SPOCK1: variants seen among roughly 807,000 people sequenced by gnomAD.
The protein encoded by SPOCK1 is SPARC (osteonectin), cwcv and kazal like domains proteoglycan 1, also known as testican-1.
A neutral mutation model predicts 55.3 loss-of-function variants in SPOCK1; 23 were observed. The observed-to-expected ratio is 0.42, with a 90% CI of 0.30 to 0.59. SPOCK1 has a LOEUF of 0.59. SPOCK1 is among the 20% of genes least tolerant of loss of function. SPOCK1 has a pLI of 0.22. For synonymous variants in SPOCK1, 226 were observed against 221.0 expected, an observed-to-expected ratio of 1.02 and a Z score of -0.20; for missense variants, 499 against 552.5, an observed-to-expected ratio of 0.90 and a Z score of 0.97.
intron 3 of SPOCK1, among the ~76,000 whole-genome samples, chr5:137,178,275 CCT>C (rs1232821362): frequency 6.6e-6 from 1 of 152,202 alleles, no homozygotes; most frequent in Non-Finnish European, 1.5e-5. Flanking sequence ...CTCTCAATCC[CCT>C]GTGCTTGGCA....
At chr5:137,288,472 C>T (rs1242525181) in intron 2 of SPOCK1, among the ~76,000 whole-genome samples, 1 of 152,202 alleles carries the variant, frequency 6.6e-6, no homozygotes, top group African/African-American at 2.4e-5. Flanking sequence ...ACAGCCAATT[C>T]TCACTCTCTA....
chr5:137,401,198 AC>A (rs1484087779), intron 2 of SPOCK1, among the ~76,000 whole-genome samples: 1 of 152,180 alleles, frequency 6.6e-6, no homozygotes, highest in Non-Finnish European at 1.5e-5. Context: ...TCATGGAAAC[AC>A]TTCAACTGGA....
At chr5:137,208,587 T>A (rs1755559192) in intron 3 of SPOCK1, among the ~76,000 whole-genome samples, 1 of 152,220 alleles carries the variant, frequency 6.6e-6, no homozygotes, top group South Asian at 2.1e-4. Context: ...GCCACTATCC[T>A]AAGCAAATTA....
chr5:137,286,021 G>A (rs1304183992), intron 2 of SPOCK1, among the ~76,000 whole-genome samples: 1 of 152,210 alleles, frequency 6.6e-6, no homozygotes. Context: ...GAGCAGGCCT[G>A]TAGGCTGAGT....
intron 2 of SPOCK1, among the ~76,000 whole-genome samples, chr5:137,307,877 C>T (rs923282787): frequency 6.6e-6 from 1 of 152,174 alleles, no homozygotes; most frequent in Non-Finnish European, 1.5e-5. Flanking sequence ...TTGCATAGTG[C>T]TGACTCAGTG....
intron 4 of SPOCK1, among the ~76,000 whole-genome samples, chr5:137,136,415 T>C (rs1163587383): frequency 1.3e-5 from 2 of 152,154 alleles, no homozygotes; most frequent in Non-Finnish European, 2.9e-5. Flanking sequence ...TATCTATAAA[T>C]AATTTGTAGT....
At position 137,094,685 on chromosome 5, in the gene SPOCK1, C is replaced by G. The variant is rs117532002; in HGVS notation, c.474+17750G>C. ...TGCTGACTGATAAGGGTGGTGGCTG[C>G]TGAAGATTAAGGTGGCTGTAATTCC... On this transcript the variant is annotated intron_variant, in intron 5 of 10. Coordinates refer to ENST00000394945, the MANE Select transcript of SPOCK1 (RefSeq NM_004598.4). 4.1e-4 allele frequency among the ~76,000 whole-genome samples: 62 copies of G among 152,276 alleles called. No homozygotes were observed. In the East Asian group the frequency reaches 0.011, roughly 27 times the overall value.
intron 2 of SPOCK1, among the ~76,000 whole-genome samples, chr5:137,371,766 G>GA (rs1751206734): frequency 6.6e-6 from 1 of 152,172 alleles, no homozygotes; most frequent in African/African-American, 2.4e-5. Flanking sequence ...TGTCAATGAT[G>GA]ATCATCTGAG....
intron 3 of SPOCK1, among the ~76,000 whole-genome samples, chr5:137,254,323 A>G (rs900972928): frequency 2.6e-5 from 4 of 152,192 alleles, no homozygotes; most frequent in Non-Finnish European, 5.9e-5. Flanking sequence ...GCTTGAAAAC[A>G]TTACAAAATG....
chr5:137,039,158 A>G (rs1388259528), intron 6 of SPOCK1, among the ~76,000 whole-genome samples: 1 of 151,414 alleles, frequency 6.6e-6, no homozygotes, highest in Non-Finnish European at 1.5e-5. Flanking sequence ...TCTTATTTCC[A>G]TTCTTCCAAT....
intron 2 of SPOCK1, among the ~76,000 whole-genome samples, chr5:137,485,285 G>A (rs548310984): frequency 9.2e-5 from 14 of 152,192 alleles, no homozygotes; most frequent in South Asian, 8.3e-4. Context: ...ATCTTTAACC[G>A]TGTTGCTTTT....
intron 3 of SPOCK1, among the ~76,000 whole-genome samples, chr5:137,188,535 T>G (rs1755116153): frequency 6.6e-6 from 1 of 152,212 alleles, no homozygotes; most frequent in African/African-American, 2.4e-5. Flanking sequence ...CACATGTATA[T>G]GAGATGGTGA....
At chr5:137,444,842 A>G (rs1753089365) in intron 2 of SPOCK1, among the ~76,000 whole-genome samples, 1 of 152,202 alleles carries the variant, frequency 6.6e-6, no homozygotes, top group South Asian at 2.1e-4. Context: ...CCCCTTGTTC[A>G]GCCTCCTGGC....
intron 5 of SPOCK1, among the ~76,000 whole-genome samples, chr5:137,079,586 T>C (rs1343316366): frequency 6.8e-6 from 1 of 147,614 alleles, no homozygotes; most frequent in Non-Finnish European, 1.5e-5. Context: ...AAACTAACAT[T>C]TTGCTCTCAA....
chr5:137,343,706 C>T (rs1269189780), intron 2 of SPOCK1, among the ~76,000 whole-genome samples: 2 of 152,240 alleles, frequency 1.3e-5, no homozygotes, highest in African/African-American at 4.8e-5. Flanking sequence ...AGAAGTCAAT[C>T]CCTTCTACAA....
At chr5:137,277,345 T>C (rs1291009308) in intron 2 of SPOCK1, among the ~76,000 whole-genome samples, 1 of 152,206 alleles carries the variant, frequency 6.6e-6, no homozygotes, top group African/African-American at 2.4e-5. Flanking sequence ...AGTGTTATAG[T>C]TGTGGAAATT....
intron 5 of SPOCK1, among the ~76,000 whole-genome samples, chr5:137,104,446 G>T (rs541243796): frequency 2.0e-5 from 3 of 152,210 alleles, no homozygotes; most frequent in Admixed American, 6.5e-5. Context: ...GTGAGATAAT[G>T]GACTAATACA....
At chr5:137,413,389 T>C (rs1654820799) in intron 2 of SPOCK1, among the ~76,000 whole-genome samples, 1 of 152,230 alleles carries the variant, frequency 6.6e-6, no homozygotes, top group South Asian at 2.1e-4. Context: ...ATCTGTGATT[T>C]TACCAACTTC....
At chr5:137,127,558 G>A (rs998675671) in intron 4 of SPOCK1, among the ~76,000 whole-genome samples, 1 of 152,252 alleles carries the variant, frequency 6.6e-6, no homozygotes, top group Non-Finnish European at 1.5e-5. Flanking sequence ...GAAGGGAGTA[G>A]CTCTGCCCAG....
Sources: gnomAD v4.1 joint callset for allele counts (sites outside exome capture counted in the v4.1 genomes callset) on GRCh38, gnomAD v4.1.1 for gene constraint, MANE v1.5 for transcripts, NCBI Gene and HGNC (gene_info 2026-07-23, HGNC 2026-07-21) for gene names.